MTMR3: variants seen among roughly 807,000 people sequenced by gnomAD.
MTMR3 encodes the protein myotubularin related protein 3, also known as phosphatidylinositol-3,5-bisphosphate 3-phosphatase MTMR3.
Under a neutral mutation model 132.4 loss-of-function variants are expected in MTMR3, and 32 were observed. That is an observed-to-expected ratio of 0.24 (90% CI 0.18 to 0.32). MTMR3 has a LOEUF of 0.32. Among genes scored for constraint, MTMR3 ranks in the 10% least tolerant of loss-of-function variants. MTMR3 has a pLI of 1.00. For missense variants in MTMR3, 1,216 were observed against 1,489.6 expected, an observed-to-expected ratio of 0.82 and a Z score of 3.02; for synonymous variants, 556 against 550.3, an observed-to-expected ratio of 1.01 and a Z score of -0.14.
At chr22:29,930,198 A>G (rs2065614523) in intron 1 of MTMR3, among the ~76,000 whole-genome samples, 1 of 152,362 alleles carries the variant, frequency 6.6e-6, no homozygotes, top group African/African-American at 2.4e-5. Flanking sequence ...ATATACAGTT[A>G]TAAAATCACC....
In MTMR3 at chr22:30,019,867, C is replaced by T. The variant is rs2067701761; in HGVS notation, c.2208C>T (p.Ala736=). The T allele has an allele frequency of 6.2e-7, 1 of 1,614,150 alleles. No individual in the cohort carries two copies. Among genetic ancestry groups the T allele is most frequent in the African/African-American group, 1.3e-5 (1 of 75,030 alleles). ...ESRRKTPEAS[A]IGLHQDPELG... The stretch of plus-strand genomic sequence containing the variant: ...GGAGGAAGACACCTGAGGCCTCAGC[C>T]ATTGGACTTCACCAAGACCCAGAAC... The change falls in exon 17 of 20, where the codon GCC becomes GCT. Residue 736 remains alanine, a synonymous_variant. Transcript: ENST00000401950.
rs538845343 is a variant in MTMR3 at position 29,970,452 on chromosome 22, T to G, written c.-84-524T>G. ...AGGCTCAGTTGATCCTCCCACCTCA[T>G]CCTCCTGAGTAACTGGGACTACAGG... On this transcript the variant is annotated intron_variant, in intron 2 of 19. Coordinates refer to ENST00000401950, the MANE Select transcript of MTMR3 (RefSeq NM_021090.4). 4.6e-3 allele frequency among the ~76,000 whole-genome samples: 666 copies of G among 145,738 alleles called. 7 individuals are homozygous for G. Among genetic ancestry groups the G allele is most frequent in the African/African-American group, 0.016 (628 of 39,372 alleles).
chr22:29,885,069 A>T (rs1349768842), intron 1 of MTMR3, among the ~76,000 whole-genome samples: 1 of 152,142 alleles, frequency 6.6e-6, no homozygotes, highest in African/African-American at 2.4e-5. Context: ...AAAAACCCTG[A>T]GTTTCTCAGC....
At chr22:29,888,921 A>G (rs1346882108) in intron 1 of MTMR3, among the ~76,000 whole-genome samples, 2 of 151,790 alleles carry the variant, frequency 1.3e-5, no homozygotes, top group Non-Finnish European at 2.9e-5. Flanking sequence ...TACTTTTATA[A>G]CTTAGTTGCA....
At chr22:29,944,114 C>T (rs374653721) in intron 1 of MTMR3, among the ~76,000 whole-genome samples, 1 of 151,924 alleles carries the variant, frequency 6.6e-6, no homozygotes, top group Admixed American at 6.6e-5. Flanking sequence ...CCACTGCATC[C>T]GGCCTCCGTG....
At chr22:29,936,350 A>G (rs1359390956) in intron 1 of MTMR3, among the ~76,000 whole-genome samples, 3 of 152,166 alleles carry the variant, frequency 2.0e-5, no homozygotes, top group Non-Finnish European at 4.4e-5. Context: ...TTATCCGGTC[A>G]GCTTTTTGCT....
intron 1 of MTMR3, among the ~76,000 whole-genome samples, chr22:29,901,743 G>A (rs1488456601): frequency 6.6e-6 from 1 of 152,128 alleles, no homozygotes; most frequent in African/African-American, 2.4e-5. Context: ...AGAAATGGGA[G>A]GTCTTGTTAT....
intron 13 of MTMR3, 103 bp from the exon 14 acceptor site, chr22:30,013,253 T>C (rs1315589179): frequency 2.4e-6 from 3 of 1,246,350 alleles, no homozygotes; most frequent in East Asian, 2.4e-5. Context: ...GTGGGCTTTC[T>C]GGGAGGCTGT....
chr22:29,980,450 A>C (rs2066718698), intron 5 of MTMR3: 1 of 152,190 alleles, frequency 6.6e-6, no homozygotes, highest in Non-Finnish European at 1.5e-5. Flanking sequence ...AGAAGGGTCC[A>C]CTTGGATTTG....
At chr22:29,998,922 A>G (rs2067114890) in intron 8 of MTMR3, 65 bp downstream of exon 8, 1 of 1,018,664 alleles carries the variant, frequency 9.8e-7, no homozygotes, top group Non-Finnish European at 1.4e-6. Context: ...CGCAATTCTC[A>G]TGTGGCAGAA....
Position 30,028,529 on chromosome 22 carries a change from C to A in MTMR3, c.*2728C>A, listed in dbSNP as rs1375448648. The stretch of plus-strand genomic sequence containing the variant: ...CTACAGCACTGTTGGGCATCCCTCC[C>A]ATCACATGGGTCTGTGGGTGAGATA... On this transcript the variant is annotated 3_prime_UTR_variant, in exon 20 of 20. Coordinates refer to ENST00000401950, the MANE Select transcript of MTMR3 (RefSeq NM_021090.4). 6.6e-6 allele frequency: 1 copy of A among 152,362 alleles called. No individual in the cohort carries two copies. The highest frequency in any genetic ancestry group is 1.5e-5 in the Non-Finnish European group (1 of 68,052). 9.4% of individuals were successfully genotyped at this position (152,362 alleles called of 1,614,324 possible).
At chr22:29,963,120 A>G (rs2066345704) in intron 2 of MTMR3, among the ~76,000 whole-genome samples, 1 of 150,998 alleles carries the variant, frequency 6.6e-6, no homozygotes, top group Non-Finnish European at 1.5e-5. Flanking sequence ...TTCTTTTATT[A>G]TTATTTTATA....
At chr22:29,964,306 T>C (rs1024951428) in intron 2 of MTMR3, among the ~76,000 whole-genome samples, 5 of 152,216 alleles carry the variant, frequency 3.3e-5, no homozygotes, top group Admixed American at 6.5e-5. Context: ...TAAGGATTGG[T>C]CACATCTGCG....
chr22:29,973,449 ATTG>A (rs1486080287), intron 3 of MTMR3, among the ~76,000 whole-genome samples: 1 of 152,142 alleles, frequency 6.6e-6, no homozygotes, highest in South Asian at 2.1e-4. Flanking sequence ...AGGGAAATGT[ATTG>A]TTTGTCTTCT....
chr22:29,892,134 C>T (rs1451179237), intron 1 of MTMR3, among the ~76,000 whole-genome samples: 2 of 150,858 alleles, frequency 1.3e-5, no homozygotes. Context: ...GCCTGGGTGA[C>T]AGAGCGAGAC....
At chr22:29,987,874 T>A (rs1479435523) in intron 5 of MTMR3, 4 of 152,224 alleles carry the variant, frequency 2.6e-5, no homozygotes, top group African/African-American at 9.6e-5. Flanking sequence ...TATGGCCTTC[T>A]CCCTCCTTTT....
At chr22:29,991,464 G>A (rs367787053) in intron 6 of MTMR3, 40 bp from the exon 7 acceptor site, 12 of 1,541,458 alleles carry the variant, frequency 7.8e-6, no homozygotes, top group Admixed American at 6.2e-5. Flanking sequence ...CATTTCAACT[G>A]TCTTCTGATT....
chr22:29,951,141 C>A (rs1322032071), intron 1 of MTMR3, among the ~76,000 whole-genome samples: 5 of 150,502 alleles, frequency 3.3e-5, no homozygotes, highest in African/African-American at 1.2e-4. Context: ...TAGAGTGAGA[C>A]TCAGTCTCAA....
intron 3 of MTMR3, 22 bp downstream of exon 3, chr22:29,971,084 T>TAA (rs545862845): frequency 1.5e-4 from 184 of 1,235,218 alleles, no homozygotes; most frequent in South Asian, 4.3e-4. Flanking sequence ...GAAATAAGAG[T>TAA]AAAAAAAAAA....
Sources: allele counts gnomAD v4.1 joint callset (sites outside exome capture counted in the v4.1 genomes callset), GRCh38; gene constraint gnomAD v4.1.1; transcripts MANE v1.5; gene names NCBI Gene and HGNC (gene_info 2026-07-23, HGNC 2026-07-21).